Variants in CTNNA2 observed in about 807,000 individuals in gnomAD.
CTNNA2 encodes the protein catenin alpha 2.
CTNNA2 carries 42 observed loss-of-function variants against 101.0 expected under a neutral mutation model. That is an observed-to-expected ratio of 0.42 (90% confidence interval 0.32 to 0.54). The LOEUF is 0.54. Among genes scored for constraint, CTNNA2 ranks in the 20% least tolerant of loss-of-function variants. CTNNA2 has a pLI of 0.14. For synonymous variants in CTNNA2, 450 were observed against 456.4 expected (o/e 0.99, Z 0.18); for missense variants, 871 against 1,223.1 (o/e 0.71, Z 4.29).
chr2:79,576,038 G>A (rs925370267), intron 1 of CTNNA2, among the ~76,000 whole-genome samples: 4 of 152,190 alleles, frequency 2.6e-5, no homozygotes, highest in African/African-American at 9.6e-5. Flanking sequence ...ACCACCTTTT[G>A]TTCCCTGTAA....
chr2:80,545,893 T>G lies in CTNNA2; in HGVS notation c.1384-14T>G, dbSNP rs1340782425. The G allele has an allele frequency of 6.2e-7, 1 of 1,612,604 alleles. No individual in the cohort carries two copies. Among genetic ancestry groups the G allele is most frequent in the East Asian group, 2.2e-5 (1 of 44,850 alleles). On this transcript the variant is annotated splice_polypyrimidine_tract_variant and intron_variant, in intron 10 of 18. Transcript: ENST00000402739. ...GTGTGGTCATCATGTCCCTGGATTG[T>G]TTCCAACAAATAGGTCATCAATGCC...
intron 6 of CTNNA2, among the ~76,000 whole-genome samples, chr2:79,876,750 C>A (rs1254647108): frequency 6.6e-6 from 1 of 152,130 alleles, no homozygotes; most frequent in Non-Finnish European, 1.5e-5. Context: ...GGCTTTCATT[C>A]ATAAAAATCA....
chr2:79,306,155 A>T (rs1676239432), intron 2 of CTNNA2, among the ~76,000 whole-genome samples: 1 of 152,166 alleles, frequency 6.6e-6, no homozygotes, highest in South Asian at 2.1e-4. Flanking sequence ...TCACCTTTTT[A>T]TCTCACTTAA....
chr2:80,296,088 A>T (rs754566656), intron 7 of CTNNA2, among the ~76,000 whole-genome samples: 1 of 152,094 alleles, frequency 6.6e-6, no homozygotes. Context: ...TACATAGTAG[A>T]TGCATAAATT....
chr2:80,549,410 T>G (rs779683407), intron 11 of CTNNA2, among the ~76,000 whole-genome samples: 32 of 152,212 alleles, frequency 2.1e-4, no homozygotes, highest in Non-Finnish European at 4.1e-4. Context: ...GCTTTGAATC[T>G]GTAGCCTTAT....
chr2:79,571,904 T>A (rs1675481545), intron 1 of CTNNA2, among the ~76,000 whole-genome samples: 1 of 152,146 alleles, frequency 6.6e-6, no homozygotes, highest in Non-Finnish European at 1.5e-5. Flanking sequence ...TGTCTATACT[T>A]GAAGACCCTA....
At chr2:80,123,295 A>G (rs560573101) in intron 7 of CTNNA2, among the ~76,000 whole-genome samples, 1 of 152,322 alleles carries the variant, frequency 6.6e-6, no homozygotes, top group Middle Eastern at 3.4e-3. Context: ...AAAACAGCTT[A>G]ATGAAGCAGA....
chr2:80,522,516 C>A (rs1339774314), intron 9 of CTNNA2, among the ~76,000 whole-genome samples: 1 of 152,170 alleles, frequency 6.6e-6, no homozygotes, highest in Non-Finnish European at 1.5e-5. Flanking sequence ...GGTGACGGGA[C>A]TTTAATTGCC....
intron 18 of CTNNA2, among the ~76,000 whole-genome samples, chr2:80,625,211 C>T (rs1367518261): frequency 1.3e-5 from 2 of 151,980 alleles, no homozygotes; most frequent in Non-Finnish European, 2.9e-5. Context: ...CCTCCCTGGG[C>T]TTTTGCTTTT....
intron 9 of CTNNA2, among the ~76,000 whole-genome samples, chr2:80,519,190 GA>G (rs1292212369): frequency 1.3e-5 from 2 of 152,150 alleles, no homozygotes; most frequent in African/African-American, 4.8e-5. Context: ...ATCTGAGATA[GA>G]AAAATGTAGC....
At position 80,610,103 on chromosome 2, in the gene CTNNA2, C is replaced by A. The variant is rs1213923950; in HGVS notation, c.2430+1785C>A. Among the ~76,000 whole-genome samples, 6 of 151,800 alleles carry A rather than the reference C, an allele frequency of 4.0e-5. No individual in the cohort carries two copies. The South Asian group carries it at 1.2e-3, about 31-fold the overall frequency. The stretch of plus-strand genomic sequence containing the variant: ...AATGTTGTTCAACTTGATAATTATT[C>A]TGAGGCAAATGCATTATAAATATTT... On this transcript the variant is annotated intron_variant, in intron 17 of 18. Transcript: ENST00000402739.
chr2:79,255,063 C>T (rs559148378), intron 2 of CTNNA2, among the ~76,000 whole-genome samples: 1 of 152,236 alleles, frequency 6.6e-6, no homozygotes, highest in East Asian at 1.9e-4. Flanking sequence ...AAATAAACTT[C>T]CCAAGTGATT....
At chr2:79,196,517 A>G (rs1673963522) in intron 1 of CTNNA2, among the ~76,000 whole-genome samples, 1 of 152,206 alleles carries the variant, frequency 6.6e-6, no homozygotes, top group Non-Finnish European at 1.5e-5. Flanking sequence ...AATATTTATT[A>G]TGTGTTCAAT....
chr2:79,950,205 C>T (rs1688784493), intron 7 of CTNNA2, among the ~76,000 whole-genome samples: 1 of 149,236 alleles, frequency 6.7e-6, no homozygotes, highest in Non-Finnish European at 1.5e-5. Flanking sequence ...AGAGAGAAAG[C>T]ATCCTATGTG....
At chr2:80,610,014 CCTT>C (rs1698328823) in intron 17 of CTNNA2, among the ~76,000 whole-genome samples, 1 of 151,696 alleles carries the variant, frequency 6.6e-6, no homozygotes, top group Non-Finnish European at 1.5e-5. Context: ...AAGCCTGTTC[CCTT>C]CTTTGAGTCT....
At chr2:80,240,679 A>T (rs1005795854) in intron 7 of CTNNA2, among the ~76,000 whole-genome samples, 9 of 152,158 alleles carry the variant, frequency 5.9e-5, no homozygotes, top group Non-Finnish European at 1.0e-4. Flanking sequence ...CTCCTTCATC[A>T]TTAATACCAT....
chr2:79,335,416 C>CA (rs956696869), intron 3 of CTNNA2, among the ~76,000 whole-genome samples: 15 of 152,154 alleles, frequency 9.9e-5, no homozygotes, highest in African/African-American at 3.6e-4. Context: ...TCATTCTCAA[C>CA]ATGCTTTACT....
At chr2:80,555,914 T>C (rs747821878) in intron 12 of CTNNA2, 21 bp downstream of exon 12, 1 of 1,415,610 alleles carries the variant, frequency 7.1e-7, no homozygotes, top group Non-Finnish European at 9.3e-7. Context: ...GTATTGGGTC[T>C]GGCCAAAATG....
chr2:79,935,247 G>A (rs149693802), intron 7 of CTNNA2, among the ~76,000 whole-genome samples: 56 of 152,122 alleles, frequency 3.7e-4, no homozygotes, highest in African/African-American at 1.3e-3. Context: ...AGATGAGGGG[G>A]CAGAGCCTCC....
Sources: gnomAD v4.1 joint callset for allele counts (sites outside exome capture counted in the v4.1 genomes callset) on GRCh38, gnomAD v4.1.1 for gene constraint, MANE v1.5 for transcripts, NCBI Gene and HGNC (gene_info 2026-07-23, HGNC 2026-07-21) for gene names.